Variants in MAST4 observed in about 807,000 individuals in gnomAD.
MAST4 encodes the protein microtubule-associated serine/threonine-protein kinase 4.
In MAST4, 89 loss-of-function variants were observed where a neutral mutation model predicts 162.7. The observed-to-expected ratio is 0.55, with a 90% confidence interval of 0.46 to 0.65. MAST4 has a LOEUF of 0.65. MAST4 is among the 30% of genes least tolerant of loss of function. MAST4 has a pLI of 0.00. For missense variants in MAST4, 3,153 were observed against 3,374.0 expected (o/e 0.93, Z 1.62); for synonymous variants, 1,479 against 1,361.1 (o/e 1.09, Z -1.91).
At chr5:66,963,919 C>G (rs992955052) in intron 4 of MAST4, 28 of 744,404 alleles carry the variant, frequency 3.8e-5, no homozygotes, top group Non-Finnish European at 6.2e-5. Flanking sequence ...GAATTGTTTA[C>G]TTGGTGACTT....
chr5:66,813,571 G>A (rs1756576065), intron 3 of MAST4, among the ~76,000 whole-genome samples: 1 of 152,246 alleles, frequency 6.6e-6, no homozygotes, highest in Non-Finnish European at 1.5e-5. Flanking sequence ...TCCTCCAGGT[G>A]CAGCTTCTGA....
chr5:67,080,214 GT>G (rs751369865), intron 5 of MAST4, among the ~76,000 whole-genome samples: 5 of 152,198 alleles, frequency 3.3e-5, no homozygotes, highest in Non-Finnish European at 5.9e-5. Flanking sequence ...CTAGCAAAGT[GT>G]CCAGCATATA....
At chr5:67,002,368 A>G (rs1236462146) in intron 4 of MAST4, among the ~76,000 whole-genome samples, 1 of 152,230 alleles carries the variant, frequency 6.6e-6, no homozygotes, top group African/African-American at 2.4e-5. Flanking sequence ...TATCCATTCA[A>G]AAAGGATTTA....
chr5:66,820,601 T>A (rs137885775), intron 3 of MAST4, among the ~76,000 whole-genome samples: 1 of 152,256 alleles, frequency 6.6e-6, no homozygotes, highest in East Asian at 1.9e-4. Context: ...ATGAAAAAAA[T>A]GAAGTTCTAT....
intron 4 of MAST4, among the ~76,000 whole-genome samples, chr5:67,005,932 G>A (rs1479203849): frequency 6.6e-6 from 1 of 152,208 alleles, no homozygotes; most frequent in Non-Finnish European, 1.5e-5. Flanking sequence ...GAGCAACTTT[G>A]CAGTCAGATA....
intron 1 of MAST4, among the ~76,000 whole-genome samples, chr5:66,684,667 C>A (rs187440612): frequency 4.7e-4 from 71 of 152,244 alleles, no homozygotes; most frequent in African/African-American, 1.7e-3. Flanking sequence ...TAAAATGTAA[C>A]CCTTGCTTTG....
In MAST4 at chr5:67,005,644, T is replaced by C. The variant is rs139289553; in HGVS notation, c.675-48760T>C. Among the ~76,000 whole-genome samples the C allele has an allele frequency of 2.8e-3, 425 of 152,334 alleles. 3 individuals are homozygous for C. The highest frequency in any genetic ancestry group is 9.8e-3 in the African/African-American group (408 of 41,572). ...TACTAATACAGGAGTGTCCTTTTCATTTTGTAACGTATATTTGATAGAAAA... is the reference window on the plus strand; with the variant it reads ...TACTAATACAGGAGTGTCCTTTTCACTTTGTAACGTATATTTGATAGAAAA... On this transcript the variant is annotated intron_variant, in intron 4 of 28. Transcript: ENST00000403625.
chr5:66,938,931 T>G (rs138082935), intron 4 of MAST4, among the ~76,000 whole-genome samples: 2,509 of 152,270 alleles, frequency 0.016, 25 homozygotes, highest in Non-Finnish European at 0.026. Context: ...AACACTGATT[T>G]AGAGCCTTTT....
chr5:66,758,057 GT>G (rs78524500), intron 1 of MAST4, among the ~76,000 whole-genome samples: 104 of 143,216 alleles, frequency 7.3e-4, no homozygotes, highest in Middle Eastern at 3.6e-3. Flanking sequence ...GAAAGGGTGT[GT>G]TTTTTTTTTT....
chr5:66,929,354 G>A (rs1741919561), intron 4 of MAST4, among the ~76,000 whole-genome samples: 1 of 152,000 alleles, frequency 6.6e-6, no homozygotes, highest in Non-Finnish European at 1.5e-5. Flanking sequence ...GTTCTGTCTG[G>A]GCCACCATCT....
chr5:67,007,439 A>G (rs1752175733), intron 4 of MAST4, among the ~76,000 whole-genome samples: 1 of 152,214 alleles, frequency 6.6e-6, no homozygotes, highest in African/African-American at 2.4e-5. Context: ...GATATCTCTC[A>G]TTCCCAAACT....
At chr5:66,846,354 GTTCCACATATCCATAC>G (rs1235010918) in intron 3 of MAST4, among the ~76,000 whole-genome samples, 5 of 152,112 alleles carry the variant, frequency 3.3e-5, no homozygotes, top group South Asian at 4.1e-4. Flanking sequence ...ATTGTGATGA[GTTCCACATATCCATAC>G]TTCTCCAATA....
chr5:66,665,562 C>T (rs1448560720), intron 1 of MAST4, among the ~76,000 whole-genome samples: 4 of 152,330 alleles, frequency 2.6e-5, no homozygotes, highest in African/African-American at 4.8e-5. Context: ...CATGCCCTCA[C>T]TCTGGTGATC....
chr5:66,781,810 G>T lies in MAST4; in HGVS notation c.518-6860G>T, dbSNP rs1338596138. Reference sequence around the variant, plus strand: ...GCTACTAAATATATATTGCACTTCAGGTGATACGGAACTTTTTTAATGGAA... The same window carrying T: ...GCTACTAAATATATATTGCACTTCATGTGATACGGAACTTTTTTAATGGAA... On this transcript the variant is annotated intron_variant, in intron 2 of 28. Coordinates refer to ENST00000403625, the MANE Select transcript of MAST4 (RefSeq NM_001164664.2). 2.6e-5 allele frequency among the ~76,000 whole-genome samples: 4 copies of T among 152,134 alleles called. No homozygotes were observed. The East Asian group carries it at 7.7e-4, about 29-fold the overall frequency.
intron 3 of MAST4, among the ~76,000 whole-genome samples, chr5:66,852,701 T>C (rs190630638): frequency 2.0e-5 from 3 of 152,360 alleles, no homozygotes; most frequent in Admixed American, 1.3e-4. Flanking sequence ...GATAAATCTT[T>C]TGTATAGAAA....
chr5:66,924,277 C>T (rs1764729607), intron 4 of MAST4, among the ~76,000 whole-genome samples: 1 of 152,078 alleles, frequency 6.6e-6, no homozygotes, highest in African/African-American at 2.4e-5. Flanking sequence ...GAGGCATTCC[C>T]AGTAATTATT....
intron 4 of MAST4, among the ~76,000 whole-genome samples, chr5:66,972,716 G>A (rs901261533): frequency 6.6e-6 from 1 of 152,074 alleles, no homozygotes; most frequent in Middle Eastern, 3.2e-3. Context: ...TTCAACCTTT[G>A]CCCTCCTATG....
At position 66,729,923 on chromosome 5, in the gene MAST4, G is replaced by A. The variant is rs114172314; in HGVS notation, c.364-29786G>A. Among the ~76,000 whole-genome samples the A allele has an allele frequency of 7.8e-3, 1,188 of 152,316 alleles. 20 individuals are homozygous for A. The highest frequency in any genetic ancestry group is 0.026 in the African/African-American group (1,092 of 41,578). On this transcript the variant is annotated intron_variant, in intron 1 of 28. Coordinates refer to ENST00000403625, the MANE Select transcript of MAST4 (RefSeq NM_001164664.2). ...AAGAGAATGTTTTGCATTTACCAAAGCAGTAGGGTAATGACAAGAGGACTG... is the reference window on the plus strand; with the variant it reads ...AAGAGAATGTTTTGCATTTACCAAAACAGTAGGGTAATGACAAGAGGACTG...
At chr5:67,011,701 G>A (rs1023299492) in intron 4 of MAST4, among the ~76,000 whole-genome samples, 6 of 152,180 alleles carry the variant, frequency 3.9e-5, no homozygotes, top group African/African-American at 1.2e-4. Context: ...CAGATTCTGG[G>A]CATCTAAGGC....
Sources: allele counts gnomAD v4.1 joint callset (sites outside exome capture counted in the v4.1 genomes callset), GRCh38; gene constraint gnomAD v4.1.1; transcripts MANE v1.5; gene names NCBI Gene and HGNC (gene_info 2026-07-23, HGNC 2026-07-21).